Variants in ALDH4A1 observed in about 807,000 individuals in gnomAD.
ALDH4A1 encodes aldehyde dehydrogenase 4 family member A1.
In ALDH4A1, 46 loss-of-function variants were observed where a neutral mutation model predicts 70.5. The ratio of observed to expected loss-of-function variants is 0.65; its 90% CI spans 0.51 to 0.83. The LOEUF is 0.83. ALDH4A1 is among the 40% of genes least tolerant of loss of function. The pLI, the probability that ALDH4A1 is intolerant of heterozygous loss-of-function variation, is 0.00. For synonymous variants in ALDH4A1, 323 were observed against 324.3 expected, an observed-to-expected ratio of 1.00 and a Z score of 0.04; for missense variants, 749 against 766.5, an observed-to-expected ratio of 0.98 and a Z score of 0.27.
intron 5 of ALDH4A1, among the ~76,000 whole-genome samples, chr1:18,884,941 A>G (rs536940303): frequency 7.9e-5 from 12 of 152,300 alleles, no homozygotes; most frequent in African/African-American, 1.2e-4. Context: ...GAGTCCTGCT[A>G]AGTGCCAAAT....
chr1:18,876,388 T>C lies in ALDH4A1; in HGVS notation c.1265A>G (p.Asp422Gly). 1.2e-6 allele frequency: 2 copies of C among 1,613,662 alleles called. No individual in the cohort carries two copies. The highest frequency in any genetic ancestry group is 1.7e-6 in the Non-Finnish European group (2 of 1,179,872). The change falls in exon 12 of 15, where the codon GAT becomes GGT. Residue 422 changes from aspartate (D) to glycine (G), a missense_variant. Asp to Gly is a moderately conservative substitution (Grantham distance 94). Coordinates refer to ENST00000375341, the MANE Select transcript of ALDH4A1 (RefSeq NM_003748.4). The stretch of plus-strand genomic sequence containing the variant: ...CTCCACAAAGTAGCCCACGGAGTCA[T>C]CACACTTGCCCCCGGCCAGGATGGT... ...SLTILAGGKC[D>G]DSVGYFVEPC...
rs1271631433 is a variant in ALDH4A1 at position 18,872,076 on chromosome 1, G to C, written c.*769C>G. On this transcript the variant is annotated 3_prime_UTR_variant, in exon 15 of 15. Transcript: ENST00000375341. ...GGAGGTCTCTACAGGTAGGGCCTGAGGATCAAAGGGAAGGCTGACATAGGA... is the reference window on the plus strand; with the variant it reads ...GGAGGTCTCTACAGGTAGGGCCTGACGATCAAAGGGAAGGCTGACATAGGA... 1 of 152,400 alleles carries C rather than the reference G, an allele frequency of 6.6e-6. No homozygotes were observed. Among genetic ancestry groups the C allele is most frequent in the Non-Finnish European group, 1.5e-5 (1 of 68,164 alleles). The allele number at this position is 152,400 out of a possible 1,614,324, so 9.4% of individuals were successfully genotyped here.
intron 8 of ALDH4A1, among the ~76,000 whole-genome samples, chr1:18,879,959 T>C (rs1934899403): frequency 6.6e-6 from 1 of 152,150 alleles, no homozygotes; most frequent in Non-Finnish European, 1.5e-5. Flanking sequence ...ATAAAAATGC[T>C]AATCACCCGG....
chr1:18,901,753 G>A (rs1008607574), intron 1 of ALDH4A1, among the ~76,000 whole-genome samples: 2 of 152,040 alleles, frequency 1.3e-5, no homozygotes, highest in African/African-American at 2.4e-5. Context: ...TAATAACCGG[G>A]CGCTGCCTTT....
intron 5 of ALDH4A1, 46 bp downstream of exon 5, chr1:18,885,427 T>TACCACCCCCCCCCCCCCCCC: frequency 3.1e-6 from 2 of 650,922 alleles, no homozygotes; most frequent in East Asian, 3.2e-5. Flanking sequence ...CACACCTGAC[T>TACCACCCCCCCCCCCCCCCC]CCCACCCCAC....
chr1:18,874,520 C>CGTTGATGTAGAA lies in ALDH4A1; in HGVS notation c.1510_1521dup (p.Phe504_Asn507dup). The CGTTGATGTAGAA allele has an allele frequency of 6.2e-7, 1 of 1,614,184 alleles. No individual in the cohort carries two copies. The highest frequency in any genetic ancestry group is 1.6e-4 in the Middle Eastern group (1 of 6,062). ...CCCACTATCGAGCCAGTGGACTTGT[C>CGTTGATGTAGAA]GTTGATGTAGAAGTTGCCGGCAGCA... On this transcript the variant is annotated inframe_insertion, in exon 14 of 15. Coordinates refer to ENST00000375341, the MANE Select transcript of ALDH4A1 (RefSeq NM_003748.4).
chr1:18,880,022 CCGCTG>C lies in ALDH4A1; in HGVS notation c.867-654_867-650del, dbSNP rs1193184958. The stretch of plus-strand genomic sequence containing the variant: ...ATTTATGGCCTTCCCACCTTTAAGC[CCGCTG>C]CTCATCAGAGCGTGGAGAATGGGGT... On this transcript the variant is annotated intron_variant, in intron 8 of 14. Coordinates refer to ENST00000375341, the MANE Select transcript of ALDH4A1 (RefSeq NM_003748.4). This position sits in a 1 kb window ranked among gnomAD's most constrained non-coding sequence, Gnocchi z 5.1. 3.2e-5 allele frequency among the ~76,000 whole-genome samples: 4 copies of C among 125,344 alleles called. No individual in the cohort carries two copies. The highest frequency in any genetic ancestry group is 5.0e-5 in the Non-Finnish European group (3 of 60,040). The allele number at this position is 125,344 out of a possible 152,430, so 82.2% of individuals were successfully genotyped here.
At chr1:18,873,272 C>T (rs535128992) in intron 14 of ALDH4A1, among the ~76,000 whole-genome samples, 1 of 152,158 alleles carries the variant, frequency 6.6e-6, no homozygotes, top group Non-Finnish European at 1.5e-5. Context: ...TGGCATGGTC[C>T]TGGGGTGCCA....
chr1:18,882,736 G>C (rs774619829), intron 7 of ALDH4A1: 11 of 569,884 alleles, frequency 1.9e-5, no homozygotes, highest in Admixed American at 5.7e-5. Flanking sequence ...CACGTGGTGA[G>C]CACTGAAGGT....
At chr1:18,897,485 G>C (rs899544000) in intron 1 of ALDH4A1, among the ~76,000 whole-genome samples, 4 of 152,210 alleles carry the variant, frequency 2.6e-5, no homozygotes, top group Admixed American at 2.6e-4. Flanking sequence ...GAAGGTTGCA[G>C]TGAGCCAAGA....
intron 9 of ALDH4A1, among the ~76,000 whole-genome samples, chr1:18,878,194 G>A (rs1011151569): frequency 3.9e-5 from 6 of 152,190 alleles, no homozygotes; most frequent in Non-Finnish European, 4.4e-5. Flanking sequence ...CTTAACAGCT[G>A]CCCAACTCTG....
intron 1 of ALDH4A1, among the ~76,000 whole-genome samples, chr1:18,893,901 C>T (rs1935528662): frequency 1.3e-5 from 2 of 152,306 alleles, no homozygotes; most frequent in Admixed American, 6.5e-5. Flanking sequence ...TGCAGCTAAT[C>T]GGAGTGTATA....
intron 9 of ALDH4A1, among the ~76,000 whole-genome samples, chr1:18,878,702 A>C (rs1934835409): frequency 6.6e-6 from 1 of 152,202 alleles, no homozygotes; most frequent in Non-Finnish European, 1.5e-5. Context: ...TGCCATGCGT[A>C]TTAGAGCATT....
intron 1 of ALDH4A1, among the ~76,000 whole-genome samples, chr1:18,901,973 G>GA (rs1205077920): frequency 3.3e-5 from 5 of 151,480 alleles, no homozygotes; most frequent in African/African-American, 1.2e-4. Flanking sequence ...GTGGGGAGCG[G>GA]AAAAGAGAGA....
At chr1:18,889,947 G>A (rs1285812534) in intron 2 of ALDH4A1, 65 bp downstream of exon 2, 3 of 1,371,188 alleles carry the variant, frequency 2.2e-6, no homozygotes, top group African/African-American at 1.4e-5. Flanking sequence ...GCTATCTCAG[G>A]GCTGCTGGGG....
chr1:18,878,875 C>T (rs1934846268), intron 9 of ALDH4A1, among the ~76,000 whole-genome samples: 1 of 152,246 alleles, frequency 6.6e-6, no homozygotes, highest in African/African-American at 2.4e-5. Context: ...ACCAGCCCTC[C>T]TCCCTCCCTA....
chr1:18,896,542 T>C (rs1034322255), intron 1 of ALDH4A1, among the ~76,000 whole-genome samples: 5 of 152,114 alleles, frequency 3.3e-5, no homozygotes, highest in Non-Finnish European at 7.4e-5. Flanking sequence ...ATCACCGACA[T>C]AAAGGCAACA....
At chr1:18,890,243 G>T in intron 1 of ALDH4A1, 138 bp from the exon 2 acceptor site, 1 of 716,144 alleles carries the variant, frequency 1.4e-6, no homozygotes, top group East Asian at 2.8e-5. Context: ...AAAGTGGGGG[G>T]TCAAAACCCC....
intron 3 of ALDH4A1, among the ~76,000 whole-genome samples, chr1:18,887,417 G>A (rs9426725): frequency 0.011 from 1,734 of 152,348 alleles, 31 homozygotes; most frequent in African/African-American, 0.039. Context: ...GGCTAACATG[G>A]TGAAACCCTC....
Sources: gnomAD v4.1 joint callset for allele counts (sites outside exome capture counted in the v4.1 genomes callset) on GRCh38, gnomAD v4.1.1 for gene constraint, Gnocchi (gnomAD v3.1) non-coding constraint, MANE v1.5 for transcripts, NCBI Gene and HGNC (gene_info 2026-07-23, HGNC 2026-07-21) for gene names.